The following WDR87 variants were observed in gnomAD, a reference collection of about 807,000 sequenced individuals.
WDR87 encodes WD repeat-containing protein 87.
A neutral mutation model predicts 83.3 loss-of-function variants in WDR87; 56 were observed. That is an observed-to-expected ratio of 0.67 (90% CI 0.54 to 0.84). The LOEUF is 0.84. Ranked by LOEUF, WDR87 falls within the 40% of genes least tolerant of loss-of-function variation. The pLI, the probability that WDR87 is intolerant of heterozygous loss-of-function variation, is 0.00. For synonymous variants in WDR87, 1,173 were observed against 1,250.6 expected, an observed-to-expected ratio of 0.94 and a Z score of 1.31; for missense variants, 2,939 against 3,431.9, an observed-to-expected ratio of 0.86 and a Z score of 3.59.
At position 37,888,682 on chromosome 19, in the gene WDR87, G is replaced by A; in HGVS notation, c.4989C>T (p.Thr1663=). 2 of 1,551,416 alleles carry A rather than the reference G, an allele frequency of 1.3e-6. No homozygotes were observed. Among genetic ancestry groups the A allele is most frequent in the Non-Finnish European group, 1.7e-6 (2 of 1,146,896 alleles). The change falls in exon 6 of 6, where the codon ACC becomes ACT. Residue 1663 remains threonine (T), a synonymous_variant. Coordinates refer to ENST00000447313, the MANE Select transcript of WDR87 (RefSeq NM_001291088.2). ...RKLAQAYVKI[T]QDDREMAQAE... Reference sequence around the variant, plus strand: ...CCTGGGCCATTTCCCTGTCATCCTGGGTTATTTTCACGTATGCCTGGGCCA... The same window carrying A: ...CCTGGGCCATTTCCCTGTCATCCTGAGTTATTTTCACGTATGCCTGGGCCA...
At chr19:37,896,016 G>T in intron 3 of WDR87, 122 bp downstream of exon 3, 1 of 1,291,436 alleles carries the variant, frequency 7.7e-7, no homozygotes, top group Non-Finnish European at 1.1e-6. Flanking sequence ...GATGAGGAGA[G>T]ATTTCTGGTT....
intron 3 of WDR87, chr19:37,895,894 T>TG (rs1599768640): frequency 4.1e-6 from 2 of 489,816 alleles, no homozygotes; most frequent in East Asian, 7.2e-5. Flanking sequence ...CCCTTGGTGA[T>TG]GGGAATTGGA....
intron 4 of WDR87, among the ~76,000 whole-genome samples, chr19:37,892,267 C>T (rs776969411): frequency 4.6e-5 from 7 of 152,068 alleles, no homozygotes; most frequent in Non-Finnish European, 8.8e-5. Flanking sequence ...GCTTGTAGCC[C>T]CAGCTACTCA....
rs772960049 is a variant in WDR87, at chr19:37,890,214, C to G, written c.3457G>C (p.Glu1153Gln). ...KERDSKQMSTEPGLLEDESGT... is the reference protein window; with the variant it reads ...KERDSKQMSTQPGLLEDESGT... ...CTTTCATCCTCTAAGAGGCCTGGCTCTGTGCTCATCTGTTTAGAGTCTCTC... is the reference window on the plus strand; with the variant it reads ...CTTTCATCCTCTAAGAGGCCTGGCTGTGTGCTCATCTGTTTAGAGTCTCTC... Residue 1153 changes from glutamate (E) to glutamine (Q), a missense_variant, in exon 6 of 6, where the codon GAG becomes CAG. By Grantham distance (29) the Glu-to-Gln change is conservative. This residue lies in a region of WDR87 where 2,160 missense variants were observed against 2,533.1 expected (regional missense o/e 0.85). Transcript: ENST00000447313. 1 of 1,551,472 alleles carries G rather than the reference C, an allele frequency of 6.4e-7. No homozygotes were observed. Among genetic ancestry groups the G allele is most frequent in the South Asian group, 1.2e-5 (1 of 84,044 alleles).
Position 37,894,667 on chromosome 19 carries a change from A to G in WDR87, c.1036T>C (p.Phe346Leu). Residue 346 changes from phenylalanine to leucine, a missense_variant, in exon 4 of 6, where the codon TTT becomes CTT. Phe to Leu is a conservative substitution (Grantham distance 22). Transcript: ENST00000447313. ...AAGCAGGGCAGGCGGTGCAAGGAAA[A>G]ACTATGGGCAGTTTGGCAGAAGAAA... ...ITFFCQTAHS[F>L]SLHRLPCFYS... is the part of the protein sequence containing the mutation. The G allele has an allele frequency of 6.4e-7, 1 of 1,551,724 alleles. No homozygotes were observed. Among genetic ancestry groups the G allele is most frequent in the African/African-American group, 1.4e-5 (1 of 73,172 alleles).
At chr19:37,901,343 T>C (rs936462266) in intron 1 of WDR87, among the ~76,000 whole-genome samples, 4 of 152,012 alleles carry the variant, frequency 2.6e-5, no homozygotes, top group Non-Finnish European at 5.9e-5. Context: ...AGGCAGAGAA[T>C]TGCTTTGAAC....
At position 37,891,612 on chromosome 19, in the gene WDR87, C is replaced by T. The variant is rs1326110001; in HGVS notation, c.3334G>A (p.Glu1112Lys). ...CCTTTGCTGGGCTTGATGGCCACTT[C>T]AGATTCTTCAGAAACTGTAGGAGGT... is the stretch of plus-strand genomic sequence containing the variant. ...LKPPTVSEES[E>K]VAIKPSKGQR... The change falls in exon 5 of 6, where the codon GAA (glutamate) becomes AAA (lysine). Residue 1112 changes from glutamate (E) to lysine (K), a missense_variant. By Grantham distance (56) the Glu-to-Lys change is moderately conservative. Transcript: ENST00000447313. The T allele has an allele frequency of 3.2e-6, 5 of 1,552,002 alleles. No homozygotes were observed. The Admixed American group carries it at 5.9e-5, about 18-fold the overall frequency.
Position 37,888,253 on chromosome 19 carries a change from C to T in WDR87, c.5418G>A (p.Glu1806=), listed in dbSNP as rs1017695819. 2 of 1,551,840 alleles carry T rather than the reference C, an allele frequency of 1.3e-6. No homozygotes were observed. The highest frequency in any genetic ancestry group is 2.7e-5 in the African/African-American group (2 of 72,984). ...ACTCTTCTTCCTGGGCCAGTTTTGT[C>T]TCTTCTTCAGACAGTTTCTCCCTTT... ...AWQREKLSEE[E]TKLAQEEELL... is the part of the protein sequence containing the mutation. Residue 1806 remains glutamate, a synonymous_variant, in exon 6 of 6, where the codon GAG becomes GAA. Transcript: ENST00000447313.
intron 1 of WDR87, among the ~76,000 whole-genome samples, chr19:37,899,148 G>C (rs1056731879): frequency 6.6e-6 from 1 of 152,068 alleles, no homozygotes; most frequent in East Asian, 1.9e-4. Flanking sequence ...GCTGGGCACC[G>C]TGGCTCACGC....
At position 37,888,777 on chromosome 19, in the gene WDR87, T is replaced by A. The variant is rs1365982143; in HGVS notation, c.4894A>T (p.Arg1632Trp). 3.2e-6 allele frequency: 5 copies of A among 1,551,844 alleles called. No individual in the cohort carries two copies. The East Asian group carries it at 1.2e-4, about 38-fold the overall frequency. Residue 1632 changes from arginine (R) to tryptophan (W), a missense_variant, in exon 6 of 6, where the codon AGG (arginine) becomes TGG (tryptophan). Arg to Trp is a moderately radical substitution (Grantham distance 101). Transcript: ENST00000447313. ...RAEKKRAQEERKLAQEEEKLA... is the reference protein window; with the variant it reads ...RAEKKRAQEEWKLAQEEEKLA... ...TTCTCTTCTTCTTGTGCTAATTTCC[T>A]CTCTTCTTGGGCTCGTTTTTTTTCA...
chr19:37,906,568 CAACT>C lies in WDR87; in HGVS notation c.-120_-117del, dbSNP rs2046331358. The C allele has an allele frequency of 6.6e-6, 1 of 152,112 alleles. No homozygotes were observed. Among genetic ancestry groups the C allele is most frequent in the Non-Finnish European group, 1.5e-5 (1 of 68,020 alleles). 9.4% of individuals were successfully genotyped at this position (152,112 alleles called of 1,614,324 possible). A position where few individuals can be genotyped will look rare whatever the true frequency, so the allele number is the denominator to read the frequency against. ...CAGGAGCTCCTAGAGCTAGGGGCAG[CAACT>C]AAGAAGCTACCTGGCGGATGTTGCG... On this transcript the variant is annotated 5_prime_UTR_variant, in exon 1 of 6. Transcript: ENST00000447313.
In WDR87 at chr19:37,891,692, T is replaced by C; in HGVS notation, c.3254A>G (p.Lys1085Arg). 1 of 1,551,902 alleles carries C rather than the reference T, an allele frequency of 6.4e-7. No individual in the cohort carries two copies. The change falls in exon 5 of 6, where the codon AAG (lysine) becomes AGG (arginine). Residue 1085 changes from lysine (K) to arginine (R), a missense_variant. By Grantham distance (26) the Lys-to-Arg change is conservative. Coordinates refer to ENST00000447313, the MANE Select transcript of WDR87 (RefSeq NM_001291088.2). ...ENLTLSHRDE[K>R]PAFSLDVSMP... ...TGAGACATCTAAAGAAAAAGCCGGC[T>C]TTTCATCTCTATGTGACAGGGTCAG...
Position 37,889,632 on chromosome 19 carries a change from C to G in WDR87, c.4039G>C (p.Asp1347His), listed in dbSNP as rs1250108063. The G allele has an allele frequency of 6.4e-7, 1 of 1,551,758 alleles. No individual in the cohort carries two copies. The highest frequency in any genetic ancestry group is 2.4e-5 in the East Asian group (1 of 40,922). ...SKVLLEDLDW[D>H]VVPPEKKPIF... ...GGTTTCTTCTCTGGCGGGACTACATCCCAATCAAGGTCCTCAAGCAGAACC... is the reference window on the plus strand; with the variant it reads ...GGTTTCTTCTCTGGCGGGACTACATGCCAATCAAGGTCCTCAAGCAGAACC... The change falls in exon 6 of 6, where the codon GAT (aspartate) becomes CAT (histidine). Residue 1347 changes from aspartate (D) to histidine (H), a missense_variant. Physicochemically the swap from Asp to His is moderately conservative, Grantham distance 81. This residue lies in a region of WDR87 where 2,160 missense variants were observed against 2,533.1 expected (regional missense o/e 0.85). Coordinates refer to ENST00000447313, the MANE Select transcript of WDR87 (RefSeq NM_001291088.2).
In WDR87 at chr19:37,892,717, T is replaced by A. The variant is rs199935118; in HGVS notation, c.2986A>T (p.Met996Leu). The A allele has an allele frequency of 3.9e-6, 6 of 1,551,858 alleles. No individual in the cohort carries two copies. The highest frequency in any genetic ancestry group is 5.2e-6 in the Non-Finnish European group (6 of 1,147,036). Reference protein sequence around the residue: ...RLGMITHLFAMPLAQGLMDKD... With the variant: ...RLGMITHLFALPLAQGLMDKD... ...TCCATTAATCCTTGAGCCAGAGGCA[T>A]GGCAAAAAGATGAGTAATCATTCCT... The change falls in exon 4 of 6, where the codon ATG becomes TTG. Residue 996 changes from methionine (M) to leucine (L), a missense_variant. This residue lies in a region of WDR87 where 2,160 missense variants were observed against 2,533.1 expected (regional missense o/e 0.85). Coordinates refer to ENST00000447313, the MANE Select transcript of WDR87 (RefSeq NM_001291088.2).
chr19:37,889,776 T>C lies in WDR87; in HGVS notation c.3895A>G (p.Lys1299Glu). 1 of 1,551,756 alleles carries C rather than the reference T, an allele frequency of 6.4e-7. No homozygotes were observed. Among genetic ancestry groups the C allele is most frequent in the Non-Finnish European group, 8.7e-7 (1 of 1,147,010 alleles). Reference protein sequence around the residue: ...MALRISGSQTKMSENLNAELV... With the variant: ...MALRISGSQTEMSENLNAELV... The stretch of plus-strand genomic sequence containing the variant: ...TCAGCGTTTAGGTTTTCTGACATTT[T>C]TGTTTGGGAACCAGATATCCTCAGG... The change falls in exon 6 of 6, where the codon AAA (lysine) becomes GAA (glutamate). Residue 1299 changes from lysine to glutamate, a missense_variant. Physicochemically the swap from Lys to Glu is moderately conservative, Grantham distance 56 (BLOSUM62 1). Transcript: ENST00000447313.
At position 37,896,225 on chromosome 19, in the gene WDR87, T is replaced by C; in HGVS notation, c.159A>G (p.Gln53=). 6.4e-7 allele frequency: 1 copy of C among 1,552,212 alleles called. No homozygotes were observed. Among genetic ancestry groups the C allele is most frequent in the Non-Finnish European group, 8.7e-7 (1 of 1,147,084 alleles). The part of the protein sequence containing the change: ...QVLFKESRYP[Q]NMPCVCYYFS... ...AGTAATAGCATACACACGGCATATT[T>C]TGAGGATAGCGAGACTCTTTGAACA... is the stretch of plus-strand genomic sequence containing the variant. Residue 53 remains glutamine, a synonymous_variant, in exon 3 of 6, where the codon CAA becomes CAG. Coordinates refer to ENST00000447313, the MANE Select transcript of WDR87 (RefSeq NM_001291088.2).
chr19:37,903,388 T>C (rs1014976012), intron 1 of WDR87, among the ~76,000 whole-genome samples: 2 of 152,216 alleles, frequency 1.3e-5, no homozygotes, highest in South Asian at 2.1e-4. Flanking sequence ...TGGGAATAAA[T>C]AGTTTTCCAG....
chr19:37,903,851 C>T (rs1179663880), intron 1 of WDR87, among the ~76,000 whole-genome samples: 1 of 152,036 alleles, frequency 6.6e-6, no homozygotes, highest in Non-Finnish European at 1.5e-5. Context: ...TTAATTCTTA[C>T]AATTATTCTA....
In WDR87 at chr19:37,894,747, C is replaced by A; in HGVS notation, c.956G>T (p.Arg319Leu). The change falls in exon 4 of 6, where the codon CGG (arginine) becomes CTG (leucine). Residue 319 changes from arginine (R) to leucine (L), a missense_variant. Arg to Leu is a moderately radical substitution (Grantham distance 102). Transcript: ENST00000447313. ...EWNLTSGSLL[R>L]RLELGEELYR... ...TAGCTCCTCACCAAGCTCTAGCCGC[C>A]GAAGCAGGCTCCCTGAAGTCAGGTT... 6.4e-7 allele frequency: 1 copy of A among 1,551,688 alleles called. No individual in the cohort carries two copies. Among genetic ancestry groups the A allele is most frequent in the Non-Finnish European group, 8.7e-7 (1 of 1,147,002 alleles).
Sources: allele counts gnomAD v4.1 joint callset (sites outside exome capture counted in the v4.1 genomes callset), GRCh38; gene constraint gnomAD v4.1.1; regional missense constraint gnomAD v4.1.1; transcripts MANE v1.5; gene names NCBI Gene and HGNC (gene_info 2026-07-23, HGNC 2026-07-21).